The following SHANK1 variants were observed in gnomAD, a reference collection of about 807,000 sequenced individuals.
The protein encoded by SHANK1 is SH3 and multiple ankyrin repeat domains 1.
Under a neutral mutation model 165.6 loss-of-function variants are expected in SHANK1, and 35 were observed. The ratio of observed to expected loss-of-function variants is 0.21; its 90% confidence interval spans 0.16 to 0.28. The LOEUF is 0.28. SHANK1 is among the 10% of genes least tolerant of loss of function. The pLI, the probability that SHANK1 is intolerant of heterozygous loss-of-function variation, is 1.00. For missense variants in SHANK1, 2,681 were observed against 3,036.4 expected (o/e 0.88, Z 2.75); for synonymous variants, 1,428 against 1,384.8 (o/e 1.03, Z -0.69).
Position 50,668,946 on chromosome 19 carries a change from TGGTGGTGGTGGGGCG to T in SHANK1, c.2999_3013del (p.Pro1000_His1004del), listed in dbSNP as rs1161892547. 3.3e-5 allele frequency: 6 copies of T among 181,396 alleles called. No individual in the cohort carries two copies. The highest frequency in any genetic ancestry group is 3.9e-5 in the South Asian group (1 of 25,884). The allele number at this position is 181,396 out of a possible 1,614,324, so 11.2% of individuals were successfully genotyped here. A position where few individuals can be genotyped will look rare whatever the true frequency, so the allele number is the denominator to read the frequency against. On this transcript the variant is annotated inframe_deletion, in exon 23 of 24. Coordinates refer to ENST00000293441, the MANE Select transcript of SHANK1 (RefSeq NM_016148.5). ...GGGCTGAGGGGGCGGGGCGTGGTGGTGGTGGTGGTGGGGCGGGTGGTGGTGGGCCGGGGGCAGGGG... is the reference window on the plus strand; with the variant it reads ...GGGCTGAGGGGGCGGGGCGTGGTGGTGGTGGTGGTGGGCCGGGGGCAGGGG...
Position 50,686,389 on chromosome 19 carries a change from C to A in SHANK1, c.2459-34G>T. On this transcript the variant is annotated intron_variant, in intron 20 of 23. Coordinates refer to ENST00000293441, the MANE Select transcript of SHANK1 (RefSeq NM_016148.5). This position sits in a 1 kb window ranked among gnomAD's most constrained non-coding sequence, Gnocchi z 5.7. ...AGATGAATGAACAGAGGTGGGAAGA[C>A]AATGAAATGAAGTTTGCTTTGACCC... 6.9e-7 allele frequency: 1 copy of A among 1,441,162 alleles called. No individual in the cohort carries two copies. 89.3% of individuals were successfully genotyped at this position (1,441,162 alleles called of 1,614,324 possible).
rs1000783332 is a variant in SHANK1, at chr19:50,659,944, C to T, written c.*2021G>A. Among the ~76,000 whole-genome samples, 111 of 150,322 alleles carry T rather than the reference C, an allele frequency of 7.4e-4. 1 individual carries two copies. Among genetic ancestry groups the T allele is most frequent in the African/African-American group, 2.6e-3 (106 of 40,506 alleles). On this transcript the variant is annotated 3_prime_UTR_variant, in exon 24 of 24. Coordinates refer to ENST00000293441, the MANE Select transcript of SHANK1 (RefSeq NM_016148.5). ...TGCCCCTCTCTCACCACCCCTCCCC[C>T]CTCCCACGACCCTCCCACGAGGTTC...
chr19:50,665,976 A>T (rs139978242), intron 23 of SHANK1, among the ~76,000 whole-genome samples: 151 of 150,762 alleles, frequency 1.0e-3, no homozygotes, highest in Non-Finnish European at 2.0e-3. Flanking sequence ...ACGCCATTGC[A>T]CTCCAGCCTG....
At chr19:50,709,437 G>A (rs10418064) in intron 8 of SHANK1, among the ~76,000 whole-genome samples, 2 of 152,110 alleles carry the variant, frequency 1.3e-5, no homozygotes, top group East Asian at 1.9e-4. Flanking sequence ...CACTGCGCCC[G>A]GCCTGCATGG....
At chr19:50,715,756 A>G (rs750314610) in intron 3 of SHANK1, 26 bp from the exon 4 acceptor site, 3 of 1,599,724 alleles carry the variant, frequency 1.9e-6, no homozygotes, top group Non-Finnish European at 2.6e-6. Context: ...GGGTAGTGAG[A>G]GAGACACAGA....
At chr19:50,672,555 CAAAA>C (rs3987747) in intron 21 of SHANK1, among the ~76,000 whole-genome samples, 1 of 35,508 alleles carries the variant, frequency 2.8e-5, no homozygotes, top group Non-Finnish European at 5.4e-5. Flanking sequence ...GACTCTGTCT[CAAAA>C]AAAAAAAAAA....
At chr19:50,674,702 G>A (rs540378086) in intron 21 of SHANK1, among the ~76,000 whole-genome samples, 13 of 152,022 alleles carry the variant, frequency 8.6e-5, no homozygotes, top group South Asian at 2.1e-4. Flanking sequence ...AGGGAGGATC[G>A]CTTGACCCCA....
In SHANK1 at chr19:50,704,212, C is replaced by G. The variant is rs778826350; in HGVS notation, c.1156-26G>C. 2.5e-6 allele frequency: 4 copies of G among 1,611,142 alleles called. No homozygotes were observed. The Admixed American group carries it at 5.0e-5, about 20-fold the overall frequency. On this transcript the variant is annotated intron_variant, in intron 9 of 23. Coordinates refer to ENST00000293441, the MANE Select transcript of SHANK1 (RefSeq NM_016148.5). The stretch of plus-strand genomic sequence containing the variant: ...CTGGAGGGAGGGGGTAGAGGCAGGT[C>G]GGCCAGGGGGGCCCAGGCAGCAGAG...
rs1158911020 is a variant in SHANK1 at position 50,689,202 on chromosome 19, G to GC, written c.2041dup (p.Ala681GlyfsTer84). 2 of 1,608,780 alleles carry GC rather than the reference G, an allele frequency of 1.2e-6. No individual in the cohort carries two copies. The highest frequency in any genetic ancestry group is 2.2e-5 in the East Asian group (1 of 44,712). ...CCTCCCCGGCTGGCACTCACCCTTGGCCCCCCGGAGCACGAACCCAAACCC... is the reference window on the plus strand; with the variant it reads ...CCTCCCCGGCTGGCACTCACCCTTGGCCCCCCCGGAGCACGAACCCAAACCC... On this transcript the variant is annotated frameshift_variant, in exon 16 of 24. Coordinates refer to ENST00000293441, the MANE Select transcript of SHANK1 (RefSeq NM_016148.5). LOFTEE classifies it high-confidence loss of function.
intron 21 of SHANK1, among the ~76,000 whole-genome samples, chr19:50,683,663 G>A (rs575151083): frequency 6.6e-6 from 1 of 152,206 alleles, no homozygotes; most frequent in East Asian, 1.9e-4. Context: ...AACAGACCGA[G>A]AAAAGACACT....
Position 50,718,509 on chromosome 19 carries a change from C to A in SHANK1, c.-44+897G>T, listed in dbSNP as rs546394499. On this transcript the variant is annotated intron_variant, in intron 1 of 23. Coordinates refer to ENST00000293441, the MANE Select transcript of SHANK1 (RefSeq NM_016148.5). This position sits in a 1 kb window ranked among gnomAD's most constrained non-coding sequence, Gnocchi z 5.1. ...CCCGGGCCGGCTCCGGCCCCTCCCC[C>A]TCAGGGCTCGCGGGAGGGAGCGGGC... Among the ~76,000 whole-genome samples, 507 of 152,296 alleles carry A rather than the reference C, an allele frequency of 3.3e-3. 5 individuals are homozygous for A. Among genetic ancestry groups the A allele is most frequent in the Non-Finnish European group, 4.5e-3 (306 of 68,012 alleles).
chr19:50,690,271 C>T lies in SHANK1; in HGVS notation c.1965-992G>A, dbSNP rs1349380311. ...CACCAGCACATTTAGGTAAGGCTCA[C>T]GTACCCAGGAAATGTCAATGAAACT... On this transcript the variant is annotated intron_variant, in intron 15 of 23. Coordinates refer to ENST00000293441, the MANE Select transcript of SHANK1 (RefSeq NM_016148.5). The surrounding 1 kb of genome is among the most constrained non-coding windows in gnomAD (Gnocchi z 4.9). 2.6e-5 allele frequency among the ~76,000 whole-genome samples: 4 copies of T among 152,078 alleles called. No individual in the cohort carries two copies. Among genetic ancestry groups the T allele is most frequent in the East Asian group, 3.8e-4 (2 of 5,200 alleles).
chr19:50,703,368 C>T (rs1211270121), intron 11 of SHANK1, 132 bp downstream of exon 11: 16 of 747,582 alleles, frequency 2.1e-5, no homozygotes, highest in Non-Finnish European at 3.4e-5. Context: ...TTGCTTTACC[C>T]CAAGGTGACA....
chr19:50,715,562 G>A (rs1246955552), intron 4 of SHANK1, 97 bp downstream of exon 4: 1 of 1,082,058 alleles, frequency 9.2e-7, no homozygotes, highest in Non-Finnish European at 1.4e-6. Flanking sequence ...GGGGAATGTG[G>A]AGGTCTATTG....
In SHANK1 at chr19:50,670,640, C is replaced by T. The variant is rs906389971; in HGVS notation, c.2675-1355G>A. On this transcript the variant is annotated intron_variant, in intron 22 of 23. Coordinates refer to ENST00000293441, the MANE Select transcript of SHANK1 (RefSeq NM_016148.5). This position sits in a 1 kb window ranked among gnomAD's most constrained non-coding sequence, Gnocchi z 4.1. The stretch of plus-strand genomic sequence containing the variant: ...CCCCACTGCCCTCATGTCCAGTGCT[C>T]ACTTGGCCCCTGCTACACAGGCCTC... Among the ~76,000 whole-genome samples, 1 of 129,406 alleles carries T rather than the reference C, an allele frequency of 7.7e-6. No homozygotes were observed. Among genetic ancestry groups the T allele is most frequent in the African/African-American group, 2.5e-5 (1 of 40,584 alleles). 84.9% of individuals were successfully genotyped at this position (129,406 alleles called of 152,430 possible).
At chr19:50,691,069 C>G (rs1322207183) in intron 15 of SHANK1, among the ~76,000 whole-genome samples, 2 of 152,090 alleles carry the variant, frequency 1.3e-5, no homozygotes, top group Non-Finnish European at 2.9e-5. Context: ...AAGTTCGTAA[C>G]AGTCCAGTAA....
Position 50,717,032 on chromosome 19 carries a change from TG to T in SHANK1, c.-43-71del. ...CTCAGAGGCCGCAGGCGCTATTCGG[TG>T]GTCAAGCGGTCAAGGGCAGCCTACC... is the stretch of plus-strand genomic sequence containing the variant. On this transcript the variant is annotated intron_variant, in intron 1 of 23. Transcript: ENST00000293441. This position sits in a 1 kb window ranked among gnomAD's most constrained non-coding sequence, Gnocchi z 5.5. 1 of 1,287,370 alleles carries T rather than the reference TG, an allele frequency of 7.8e-7. No homozygotes were observed. Among genetic ancestry groups the T allele is most frequent in the South Asian group, 2.1e-5 (1 of 47,856 alleles). The allele number at this position is 1,287,370 out of a possible 1,614,324, so 79.7% of individuals were successfully genotyped here. A position where few individuals can be genotyped will look rare whatever the true frequency, so the allele number is the denominator to read the frequency against.
Position 50,697,399 on chromosome 19 carries a change from T to C in SHANK1, c.1937+190A>G, listed in dbSNP as rs1986776266. On this transcript the variant is annotated intron_variant, in intron 14 of 23. Transcript: ENST00000293441. This position sits in a 1 kb window ranked among gnomAD's most constrained non-coding sequence, Gnocchi z 4.7. ...CTACCCCAGAGCTGGGCAGTCTTAG[T>C]GGCTGCCGAAGATGGTTTGGGGTTG... Among the ~76,000 whole-genome samples the C allele has an allele frequency of 6.6e-6, 1 of 152,154 alleles. No homozygotes were observed. The highest frequency in any genetic ancestry group is 2.4e-5 in the African/African-American group (1 of 41,432).
intron 21 of SHANK1, among the ~76,000 whole-genome samples, chr19:50,683,421 G>A (rs964656902): frequency 1.3e-5 from 2 of 152,150 alleles, no homozygotes; most frequent in Admixed American, 6.5e-5. Flanking sequence ...TCTGTTGAAG[G>A]ATGCCTTATT....
Sources: allele counts gnomAD v4.1 joint callset (sites outside exome capture counted in the v4.1 genomes callset), GRCh38; gene constraint gnomAD v4.1.1; non-coding constraint Gnocchi (gnomAD v3.1); transcripts MANE v1.5; gene names NCBI Gene and HGNC (gene_info 2026-07-23, HGNC 2026-07-21).